The following MYO1D variants were observed in gnomAD, a reference collection of about 807,000 sequenced individuals.
MYO1D encodes the protein myosin ID.
A neutral mutation model predicts 122.0 loss-of-function variants in MYO1D; 83 were observed. That is an observed-to-expected ratio of 0.68 (90% CI 0.57 to 0.82). MYO1D has a LOEUF of 0.82. MYO1D is among the 40% of genes least tolerant of loss of function. The probability of loss-of-function intolerance (pLI) is 0.00; values close to 1 mark genes in which losing one functional copy is unlikely to be tolerated. For synonymous variants in MYO1D, 464 were observed against 446.9 expected, an observed-to-expected ratio of 1.04 and a Z score of -0.48; for missense variants, 1,157 against 1,269.5, an observed-to-expected ratio of 0.91 and a Z score of 1.35.
At chr17:32,501,363 T>C (rs1909312639) in intron 21 of MYO1D, among the ~76,000 whole-genome samples, 1 of 152,226 alleles carries the variant, frequency 6.6e-6, no homozygotes, top group Non-Finnish European at 1.5e-5. Context: ...GACTTTCTCC[T>C]GCCCAAGTCA....
At chr17:32,660,575 CG>C (rs1567935390) in intron 16 of MYO1D, among the ~76,000 whole-genome samples, 1 of 152,116 alleles carries the variant, frequency 6.6e-6, no homozygotes, top group South Asian at 2.1e-4. Flanking sequence ...TTGCACACTA[CG>C]TGCAAGAAGA....
chr17:32,664,462 C>G (rs1405470872), intron 16 of MYO1D, among the ~76,000 whole-genome samples: 5 of 152,142 alleles, frequency 3.3e-5, no homozygotes, highest in African/African-American at 1.2e-4. Context: ...GTGCTTAATA[C>G]TTATTTGCAT....
At chr17:32,775,396 T>C (rs1355828276) in intron 4 of MYO1D, among the ~76,000 whole-genome samples, 1 of 152,090 alleles carries the variant, frequency 6.6e-6, no homozygotes, top group Non-Finnish European at 1.5e-5. Context: ...ATTTTAAGTT[T>C]TTACTGACCA....
chr17:32,540,987 T>C (rs1031534370), intron 21 of MYO1D, among the ~76,000 whole-genome samples: 3 of 149,702 alleles, frequency 2.0e-5, no homozygotes, highest in Non-Finnish European at 4.4e-5. Flanking sequence ...AGAAGCTTCA[T>C]ACGCTGCTGG....
intron 16 of MYO1D, among the ~76,000 whole-genome samples, chr17:32,678,074 C>T (rs989885150): frequency 2.0e-5 from 3 of 152,078 alleles, no homozygotes; most frequent in Non-Finnish European, 4.4e-5. Context: ...GGTGAAACTG[C>T]TTAAAAGGTC....
intron 21 of MYO1D, among the ~76,000 whole-genome samples, chr17:32,540,715 CAGG>C (rs1432744404): frequency 2.0e-5 from 3 of 151,936 alleles, no homozygotes; most frequent in Non-Finnish European, 2.9e-5. Flanking sequence ...CACTTGAGGT[CAGG>C]AGTTCGAGAC....
chr17:32,590,173 CT>C (rs2087426291), intron 21 of MYO1D, among the ~76,000 whole-genome samples: 1 of 152,178 alleles, frequency 6.6e-6, no homozygotes, highest in African/African-American at 2.4e-5. Context: ...TAAGCTTCTA[CT>C]TATTTTTCCA....
chr17:32,864,119 T>C (rs2091103970), intron 1 of MYO1D, among the ~76,000 whole-genome samples: 1 of 148,274 alleles, frequency 6.7e-6, no homozygotes, highest in African/African-American at 2.5e-5. Context: ...TTTTCCAATG[T>C]GATAGCATTT....
chr17:32,831,803 AG>A (rs1297429459), intron 1 of MYO1D, among the ~76,000 whole-genome samples: 1 of 152,228 alleles, frequency 6.6e-6, no homozygotes, highest in Non-Finnish European at 1.5e-5. Flanking sequence ...ACAAATATTT[AG>A]GTAAGTTCTC....
intron 13 of MYO1D, among the ~76,000 whole-genome samples, chr17:32,739,548 G>A (rs146329325): frequency 0.026 from 3,884 of 151,012 alleles, 130 homozygotes; most frequent in East Asian, 0.19. Flanking sequence ...TGTAAATGAC[G>A]AGTTAATGGG....
chr17:32,529,808 CT>C (rs1459152183), intron 21 of MYO1D: 1 of 152,262 alleles, frequency 6.6e-6, no homozygotes, highest in African/African-American at 2.4e-5. Context: ...TTCCAAGAGG[CT>C]CTCCAGGGAC....
At chr17:32,765,342 G>T (rs981297073) in intron 7 of MYO1D, among the ~76,000 whole-genome samples, 2 of 151,952 alleles carry the variant, frequency 1.3e-5, no homozygotes, top group Non-Finnish European at 2.9e-5. Context: ...TTTGCCTTAG[G>T]GTCTCTCTTT....
At position 32,719,351 on chromosome 17, in the gene MYO1D, C is replaced by CTT. The variant is rs371411083; in HGVS notation, c.1913+1670_1913+1671dup. Among the ~76,000 whole-genome samples the CTT allele has an allele frequency of 2.3e-3, 314 of 137,150 alleles. 3 individuals carry two copies. In the East Asian group the frequency reaches 0.028, roughly 12 times the overall value. The allele number at this position is 137,150 out of a possible 152,430, so 90.0% of individuals were successfully genotyped here. On this transcript the variant is annotated intron_variant, in intron 15 of 21. Transcript: ENST00000318217. ...TAGCATCCTTAAACATCTCCTTGCC[C>CTT]TTTTTTTTTTTTTTTTGAGACGGAG...
chr17:32,690,822 G>A (rs1356579040), intron 16 of MYO1D, among the ~76,000 whole-genome samples: 1 of 152,112 alleles, frequency 6.6e-6, no homozygotes, highest in Non-Finnish European at 1.5e-5. Context: ...AGCCAATTAA[G>A]CCTCTTTTCC....
intron 21 of MYO1D, among the ~76,000 whole-genome samples, chr17:32,530,984 TTC>T (rs1205426886): frequency 6.6e-6 from 1 of 152,026 alleles, no homozygotes; most frequent in Non-Finnish European, 1.5e-5. Context: ...CTTCTTTTAG[TTC>T]TCTGTCCTCA....
At chr17:32,687,214 T>TG in intron 16 of MYO1D, among the ~76,000 whole-genome samples, 1 of 122,184 alleles carries the variant, frequency 8.2e-6, no homozygotes, top group Non-Finnish European at 1.7e-5. Context: ...TTTTTTTTTC[T>TG]GAGACAGAGT....
intron 21 of MYO1D, among the ~76,000 whole-genome samples, chr17:32,571,546 G>T (rs947638949): frequency 6.6e-6 from 1 of 152,182 alleles, no homozygotes; most frequent in Admixed American, 6.5e-5. Context: ...AGAGGACCGA[G>T]AATTGGGTTT....
intron 21 of MYO1D, among the ~76,000 whole-genome samples, chr17:32,534,432 T>A (rs1465256165): frequency 1.3e-5 from 2 of 152,148 alleles, no homozygotes; most frequent in African/African-American, 4.8e-5. Context: ...CTCAGCTTCA[T>A]AAAGTGTTGG....
chr17:32,645,165 C>G (rs993999714), intron 19 of MYO1D, among the ~76,000 whole-genome samples: 4 of 152,148 alleles, frequency 2.6e-5, no homozygotes, highest in African/African-American at 9.7e-5. Flanking sequence ...TTCTCCTTCA[C>G]TTATGAAGCT....
Sources: gnomAD v4.1 joint callset for allele counts (sites outside exome capture counted in the v4.1 genomes callset) on GRCh38, gnomAD v4.1.1 for gene constraint, MANE v1.5 for transcripts, NCBI Gene and HGNC (gene_info 2026-07-23, HGNC 2026-07-21) for gene names.